The following PLGRKT variants were observed in gnomAD, a reference collection of about 807,000 sequenced individuals.
PLGRKT encodes the protein plasminogen receptor (KT).
PLGRKT carries 22 observed loss-of-function variants against 18.5 expected under a neutral mutation model. That is an observed-to-expected ratio of 1.19 (90% CI 0.85 to 1.70). The LOEUF is 1.70. Among genes scored for constraint, PLGRKT ranks in the 40% most tolerant of loss-of-function variants. PLGRKT has a pLI of 0.00. For missense variants in PLGRKT, 235 were observed against 174.4 expected (o/e 1.35, Z -1.96); for synonymous variants, 72 against 52.8 (o/e 1.36, Z -1.58).
intron 3 of PLGRKT, among the ~76,000 whole-genome samples, chr9:5,385,090 T>C (rs1007836759): frequency 1.5e-4 from 23 of 151,606 alleles, no homozygotes; most frequent in African/African-American, 5.1e-4. Context: ...CAGGCCATTG[T>C]AAGTGTTTTA....
At chr9:5,404,257 C>T (rs540769263) in intron 3 of PLGRKT, among the ~76,000 whole-genome samples, 2 of 152,200 alleles carry the variant, frequency 1.3e-5, no homozygotes, top group South Asian at 2.1e-4. Flanking sequence ...AGGAGGGACC[C>T]CTCCCTAACT....
At chr9:5,389,988 T>C (rs990944315) in intron 3 of PLGRKT, among the ~76,000 whole-genome samples, 4 of 151,400 alleles carry the variant, frequency 2.6e-5, no homozygotes, top group African/African-American at 7.3e-5. Flanking sequence ...CCCAGGAAGG[T>C]TGGTACATCA....
At chr9:5,398,388 C>T (rs1200269758) in intron 3 of PLGRKT, among the ~76,000 whole-genome samples, 1 of 151,850 alleles carries the variant, frequency 6.6e-6, no homozygotes, top group Non-Finnish European at 1.5e-5. Flanking sequence ...CAATGACAAC[C>T]GATCCAAGGA....
chr9:5,433,411 G>A (rs72647229), intron 2 of PLGRKT, among the ~76,000 whole-genome samples: 2 of 149,446 alleles, frequency 1.3e-5, no homozygotes, highest in Middle Eastern at 3.5e-3. Flanking sequence ...GAGCGCCTCT[G>A]CCTGGCTGCC....
chr9:5,393,054 C>T (rs1817979313), intron 3 of PLGRKT, among the ~76,000 whole-genome samples: 1 of 151,674 alleles, frequency 6.6e-6, no homozygotes, highest in South Asian at 2.1e-4. Flanking sequence ...GTTGGCCAGG[C>T]TGGTCTCAAA....
chr9:5,432,216 T>C (rs1222286101), intron 2 of PLGRKT, among the ~76,000 whole-genome samples: 1 of 152,220 alleles, frequency 6.6e-6, no homozygotes, highest in Non-Finnish European at 1.5e-5. Context: ...TTGAACTAGA[T>C]AATTTCCAAA....
At chr9:5,438,287 G>A (rs1322398070), upstream of PLGRKT, among the ~76,000 whole-genome samples, 1 of 152,196 alleles carries the variant, frequency 6.6e-6, no homozygotes, top group African/African-American at 2.4e-5. Flanking sequence ...AACCTCACCA[G>A]CAATTTCTAT....
Position 5,418,558 on chromosome 9 carries a change from G to C in PLGRKT, c.81+13339C>G. The C allele has an allele frequency of 4.9e-6, 4 of 817,006 alleles. No homozygotes were observed. Among genetic ancestry groups the C allele is most frequent in the African/African-American group, 3.4e-5 (2 of 59,586 alleles). The allele number at this position is 817,006 out of a possible 1,614,324, so 50.6% of individuals were successfully genotyped here. A position where few individuals can be genotyped will look rare whatever the true frequency, so the allele number is the denominator to read the frequency against. Reference sequence around the variant, plus strand: ...CCCCTGGGGAGCCCTGCCTTGCAGAGGCTGCTGTCCAGCAGGGATGGTCAC... The same window carrying C: ...CCCCTGGGGAGCCCTGCCTTGCAGACGCTGCTGTCCAGCAGGGATGGTCAC... On this transcript the variant is annotated intron_variant, in intron 3 of 5. Coordinates refer to ENST00000223864, the MANE Select transcript of PLGRKT (RefSeq NM_018465.4). The surrounding 1 kb of genome is among the most constrained non-coding windows in gnomAD (Gnocchi z 4.2).
At chr9:5,382,747 G>C (rs1817770809) in intron 3 of PLGRKT, among the ~76,000 whole-genome samples, 1 of 152,210 alleles carries the variant, frequency 6.6e-6, no homozygotes, top group Non-Finnish European at 1.5e-5. Flanking sequence ...ACTGAACACA[G>C]GTAGACCCAC....
At chr9:5,432,322 C>G (rs949880905) in intron 2 of PLGRKT, among the ~76,000 whole-genome samples, 1 of 152,154 alleles carries the variant, frequency 6.6e-6, no homozygotes, top group Non-Finnish European at 1.5e-5. Context: ...AAACAACTCT[C>G]TTTTTTTGTG....
chr9:5,424,730 G>C (rs981514681), intron 3 of PLGRKT, among the ~76,000 whole-genome samples: 1 of 140,214 alleles, frequency 7.1e-6, no homozygotes, highest in Admixed American at 7.4e-5. Flanking sequence ...CAGAGAGAGA[G>C]AGAGAGAAAG....
chr9:5,380,941 G>A (rs555564632), intron 3 of PLGRKT, among the ~76,000 whole-genome samples: 5 of 152,272 alleles, frequency 3.3e-5, no homozygotes, highest in African/African-American at 1.2e-4. Flanking sequence ...TCATGATAGT[G>A]AGCGAGTTCT....
rs575289154 is a variant in PLGRKT, at chr9:5,424,608, T to A, written c.81+7289A>T. 5.3e-4 allele frequency among the ~76,000 whole-genome samples: 70 copies of A among 132,060 alleles called. 1 individual carries two copies. The East Asian group carries it at 0.01, about 20-fold the overall frequency. 86.6% of individuals were successfully genotyped at this position (132,060 alleles called of 152,430 possible). On this transcript the variant is annotated intron_variant, in intron 3 of 5. Coordinates refer to ENST00000223864, the MANE Select transcript of PLGRKT (RefSeq NM_018465.4). ...TTATATTATACAGTAATATAATATATTATTTATTATATTATATTATATTAA... is the reference window on the plus strand; with the variant it reads ...TTATATTATACAGTAATATAATATAATATTTATTATATTATATTATATTAA...
chr9:5,423,419 T>C (rs1316237167), intron 3 of PLGRKT, among the ~76,000 whole-genome samples: 1 of 152,250 alleles, frequency 6.6e-6, no homozygotes, highest in Non-Finnish European at 1.5e-5. Flanking sequence ...TTTACCTGCA[T>C]GGTAAGATTT....
chr9:5,430,370 G>A (rs1006837745), intron 3 of PLGRKT, among the ~76,000 whole-genome samples: 2 of 152,144 alleles, frequency 1.3e-5, no homozygotes, highest in African/African-American at 4.8e-5. Flanking sequence ...CCTAATACTT[G>A]GTCTCGCCTA....
intron 3 of PLGRKT, among the ~76,000 whole-genome samples, chr9:5,402,446 G>A (rs191911418): frequency 6.6e-6 from 1 of 151,890 alleles, no homozygotes; most frequent in Non-Finnish European, 1.5e-5. Flanking sequence ...CTGCCTAAAA[G>A]GATCTGTGGC....
Position 5,411,150 on chromosome 9 carries a change from G to A in PLGRKT, c.81+20747C>T, listed in dbSNP as rs553808850. Among the ~76,000 whole-genome samples the A allele has an allele frequency of 2.6e-3, 400 of 152,126 alleles. 1 individual carries two copies. Among genetic ancestry groups the A allele is most frequent in the Non-Finnish European group, 4.0e-3 (275 of 68,000 alleles). On this transcript the variant is annotated intron_variant, in intron 3 of 5. Coordinates refer to ENST00000223864, the MANE Select transcript of PLGRKT (RefSeq NM_018465.4). ...TGTAATCCCAACACTTTGGGAGGCCGAGGCAGGTGGACCACCTGAGGTCGG... is the reference window on the plus strand; with the variant it reads ...TGTAATCCCAACACTTTGGGAGGCCAAGGCAGGTGGACCACCTGAGGTCGG...
At chr9:5,390,478 C>T (rs901031539) in intron 3 of PLGRKT, among the ~76,000 whole-genome samples, 1 of 151,824 alleles carries the variant, frequency 6.6e-6, no homozygotes, top group African/African-American at 2.4e-5. Flanking sequence ...CTTGGCTGTC[C>T]CCACAGGGTC....
intron 2 of PLGRKT, among the ~76,000 whole-genome samples, chr9:5,435,735 C>G (rs900284049): frequency 2.0e-5 from 3 of 152,250 alleles, no homozygotes; most frequent in Admixed American, 6.5e-5. Context: ...AAAGTTACAA[C>G]TGCTCTACCC....
Sources: allele counts gnomAD v4.1 joint callset (sites outside exome capture counted in the v4.1 genomes callset), GRCh38; gene constraint gnomAD v4.1.1; non-coding constraint Gnocchi (gnomAD v3.1); transcripts MANE v1.5; gene names NCBI Gene and HGNC (gene_info 2026-07-23, HGNC 2026-07-21).